The following PHKB variants were observed in gnomAD, a reference collection of about 807,000 sequenced individuals.
PHKB encodes phosphorylase kinase regulatory subunit beta, also known as phosphorylase b kinase regulatory subunit beta.
In PHKB, 122 loss-of-function variants were observed where a neutral mutation model predicts 152.1. The ratio of observed to expected loss-of-function variants is 0.80; its 90% CI spans 0.69 to 0.93. The LOEUF (loss-of-function observed/expected upper bound fraction) is 0.93, where lower values mean the gene tolerates loss of function less well. PHKB is among the 40% of genes least tolerant of loss of function. The pLI is 0.00. For synonymous variants in PHKB, 436 were observed against 464.9 expected (o/e 0.94, Z 0.80); for missense variants, 1,304 against 1,328.4 (o/e 0.98, Z 0.29).
chr16:47,644,636 T>A (rs900587245), intron 16 of PHKB, among the ~76,000 whole-genome samples: 1 of 152,186 alleles, frequency 6.6e-6, no homozygotes, highest in Non-Finnish European at 1.5e-5. Flanking sequence ...TTAGATGTAT[T>A]TCTGTCATTA....
chr16:47,535,007 A>G (rs145218767), intron 6 of PHKB, among the ~76,000 whole-genome samples: 1 of 152,352 alleles, frequency 6.6e-6, no homozygotes, highest in Non-Finnish European at 1.5e-5. Flanking sequence ...CACTTTGGGT[A>G]TCAGGGAGAG....
intron 7 of PHKB, among the ~76,000 whole-genome samples, chr16:47,578,979 G>A (rs1213367979): frequency 6.6e-6 from 1 of 151,972 alleles, no homozygotes; most frequent in African/African-American, 2.4e-5. Flanking sequence ...TCAGTGGTTG[G>A]CTCCTTTGAC....
Position 47,648,636 on chromosome 16 carries a change from A to G in PHKB, c.1692+20A>G. On this transcript the variant is annotated intron_variant, in intron 17 of 30. Coordinates refer to ENST00000323584, the MANE Select transcript of PHKB (RefSeq NM_000293.3). ...TCAAAGGTACTCATGAAATGTCCTC[A>G]AAAAGTAGTTTTTGGATTCTAATAC... The G allele has an allele frequency of 1.3e-6, 2 of 1,565,726 alleles. No individual in the cohort carries two copies. The highest frequency in any genetic ancestry group is 1.8e-6 in the Non-Finnish European group (2 of 1,136,034).
intron 23 of PHKB, 54 bp downstream of exon 23, chr16:47,661,854 A>G (rs1026262241): frequency 2.0e-6 from 2 of 1,009,164 alleles, no homozygotes; most frequent in East Asian, 2.4e-5. Flanking sequence ...AGCCTTGAAC[A>G]TATATCAAAT....
chr16:47,625,158 G>A (rs1411532700), intron 14 of PHKB, among the ~76,000 whole-genome samples: 4 of 152,074 alleles, frequency 2.6e-5, no homozygotes, highest in African/African-American at 9.7e-5. Context: ...CTCAACTGCA[G>A]GCTCCAACTA....
At chr16:47,499,324 G>A (rs2151642593) in intron 2 of PHKB, among the ~76,000 whole-genome samples, 1 of 152,260 alleles carries the variant, frequency 6.6e-6, no homozygotes, top group South Asian at 2.1e-4. Context: ...TAGCAGTTGA[G>A]GTGGCTTTGT....
intron 8 of PHKB, among the ~76,000 whole-genome samples, chr16:47,584,303 T>C (rs927574061): frequency 1.3e-5 from 2 of 152,156 alleles, no homozygotes; most frequent in African/African-American, 4.8e-5. Context: ...AAATATTATT[T>C]AAATAATGTT....
At position 47,699,373 on chromosome 16, in the gene PHKB, A is replaced by G. The variant is rs1220722838; in HGVS notation, c.*7A>G. 2 of 1,614,062 alleles carry G rather than the reference A, an allele frequency of 1.2e-6. No homozygotes were observed. ...CCCGTGTCTGATTAGCTAGTGGGGA[A>G]GGTGTAGGAAGCTCTGTTGAGACAC... is the stretch of plus-strand genomic sequence containing the variant. On this transcript the variant is annotated 3_prime_UTR_variant, in exon 31 of 31. Coordinates refer to ENST00000323584, the MANE Select transcript of PHKB (RefSeq NM_000293.3).
At chr16:47,477,536 TA>T (rs1319560290) in intron 1 of PHKB, among the ~76,000 whole-genome samples, 1 of 152,024 alleles carries the variant, frequency 6.6e-6, no homozygotes, top group Admixed American at 6.5e-5. Context: ...ATTTTCATAG[TA>T]AAAAAAAGTC....
chr16:47,507,350 C>T (rs1389091051), intron 4 of PHKB, among the ~76,000 whole-genome samples: 1 of 151,520 alleles, frequency 6.6e-6, no homozygotes, highest in East Asian at 2.0e-4. Flanking sequence ...TGATGTAGAC[C>T]ATTAGCACCT....
At chr16:47,610,159 A>AT (rs371224839) in intron 13 of PHKB, among the ~76,000 whole-genome samples, 52,325 of 99,748 alleles carry the variant, frequency 0.52, 13,556 homozygotes, top group South Asian at 0.66. Context: ...TGCCCAGCTA[A>AT]TTTTTTTTTT....
chr16:47,541,249 T>C (rs1971052688), intron 6 of PHKB, among the ~76,000 whole-genome samples: 1 of 152,166 alleles, frequency 6.6e-6, no homozygotes, highest in South Asian at 2.1e-4. Context: ...ATGTGGTGTT[T>C]GGTTTTCTGT....
chr16:47,611,462 A>C (rs1972426270), intron 14 of PHKB, among the ~76,000 whole-genome samples: 1 of 152,328 alleles, frequency 6.6e-6, no homozygotes, highest in Non-Finnish European at 1.5e-5. Context: ...TCAAGTATTA[A>C]ATGATACCAG....
intron 25 of PHKB, chr16:47,665,231 A>C: frequency 2.3e-6 from 1 of 433,362 alleles, no homozygotes. Flanking sequence ...GATTGCAGCC[A>C]GTTTCAAACC....
intron 8 of PHKB, 41 bp from the exon 9 acceptor site, chr16:47,587,627 T>G: frequency 2.0e-6 from 3 of 1,493,182 alleles, no homozygotes; most frequent in Non-Finnish European, 2.8e-6. Flanking sequence ...TACAAGTCTT[T>G]TTTCTTAATT....
At chr16:47,625,756 T>G (rs1351687855) in intron 14 of PHKB, among the ~76,000 whole-genome samples, 2 of 152,204 alleles carry the variant, frequency 1.3e-5, no homozygotes, top group Non-Finnish European at 2.9e-5. Flanking sequence ...AAATGTAAGT[T>G]TAATTAGAGG....
At position 47,646,930 on chromosome 16, in the gene PHKB, T is replaced by C. The variant is rs373230965; in HGVS notation, c.1609-1603T>C. Among the ~76,000 whole-genome samples the C allele has an allele frequency of 4.5e-4, 69 of 152,118 alleles. 1 individual carries two copies. The South Asian group carries it at 0.014, about 30-fold the overall frequency. Reference sequence around the variant, plus strand: ...ATCAGGAGATAGGAGTTTAAAAAGGTAAAGGGGCTTCTTGATTAGATTAAG... The same window carrying C: ...ATCAGGAGATAGGAGTTTAAAAAGGCAAAGGGGCTTCTTGATTAGATTAAG... On this transcript the variant is annotated intron_variant, in intron 16 of 30. Transcript: ENST00000323584.
At chr16:47,582,188 G>A (rs1971859161) in intron 8 of PHKB, among the ~76,000 whole-genome samples, 1 of 152,174 alleles carries the variant, frequency 6.6e-6, no homozygotes, top group South Asian at 2.1e-4. Context: ...GGAGCTGAGT[G>A]TCTCTTGGTT....
At chr16:47,608,209 TTTAC>T (rs1185928955) in intron 13 of PHKB, among the ~76,000 whole-genome samples, 5 of 152,194 alleles carry the variant, frequency 3.3e-5, no homozygotes, top group Non-Finnish European at 4.4e-5. Flanking sequence ...AATTTATCTC[TTTAC>T]TTCTTTTATC....
Sources: allele counts gnomAD v4.1 joint callset (sites outside exome capture counted in the v4.1 genomes callset), GRCh38; gene constraint gnomAD v4.1.1; transcripts MANE v1.5; gene names NCBI Gene and HGNC (gene_info 2026-07-23, HGNC 2026-07-21).